The following SBF2 variants were observed in gnomAD, a reference collection of about 807,000 sequenced individuals.
SBF2 encodes SET binding factor 2.
Under a neutral mutation model 225.2 loss-of-function variants are expected in SBF2, and 112 were observed. That is an observed-to-expected ratio of 0.50 (90% CI 0.43 to 0.58). SBF2 has a LOEUF of 0.58. Ranked by LOEUF, SBF2 falls within the 20% of genes least tolerant of loss-of-function variation. The pLI is 0.00. For missense variants in SBF2, 1,996 were observed against 2,206.2 expected (o/e 0.90, Z 1.91); for synonymous variants, 763 against 773.3 (o/e 0.99, Z 0.22).
At chr11:9,993,834 C>G in intron 10 of SBF2, 87 bp downstream of exon 10, 2 of 1,370,738 alleles carry the variant, frequency 1.5e-6, no homozygotes, top group Admixed American at 2.0e-5. Context: ...CCATCTAACT[C>G]TAACTTCACT....
At chr11:9,833,702 G>C (rs574043315) in intron 26 of SBF2, among the ~76,000 whole-genome samples, 16 of 151,552 alleles carry the variant, frequency 1.1e-4, no homozygotes, top group Non-Finnish European at 1.6e-4. Flanking sequence ...TTACAGGCAT[G>C]AGCCACCGTG....
intron 8 of SBF2, among the ~76,000 whole-genome samples, chr11:9,998,931 G>A (rs530279021): frequency 5.9e-5 from 9 of 152,278 alleles, no homozygotes; most frequent in African/African-American, 2.2e-4. Flanking sequence ...AGCAAGCACA[G>A]AGGATTGCAT....
intron 2 of SBF2, among the ~76,000 whole-genome samples, chr11:10,154,736 T>C (rs1955385939): frequency 6.6e-6 from 1 of 152,182 alleles, no homozygotes; most frequent in African/African-American, 2.4e-5. Context: ...TTCTCAATGG[T>C]GCTACCTTCA....
At chr11:9,822,447 A>G (rs1031393221) in intron 28 of SBF2, among the ~76,000 whole-genome samples, 9 of 152,010 alleles carry the variant, frequency 5.9e-5, no homozygotes, top group African/African-American at 2.2e-4. Flanking sequence ...TTTTTAGTAG[A>G]GACAGGGTTT....
intron 17 of SBF2, among the ~76,000 whole-genome samples, chr11:9,872,378 G>C (rs1354477758): frequency 6.6e-6 from 1 of 152,158 alleles, no homozygotes; most frequent in Non-Finnish European, 1.5e-5. Flanking sequence ...GGCATGATCT[G>C]TGCAGCAAAC....
chr11:9,913,678 T>TAAAATAAAAC (rs1554952011), intron 16 of SBF2, among the ~76,000 whole-genome samples: 40 of 151,242 alleles, frequency 2.6e-4, no homozygotes, highest in African/African-American at 9.0e-4. Flanking sequence ...TAAAATAAAA[T>TAAAATAAAAC]AAAATAGCTG....
chr11:9,992,880 T>C (rs1947500400), intron 11 of SBF2, 110 bp downstream of exon 11: 1 of 747,938 alleles, frequency 1.3e-6, no homozygotes, highest in African/African-American at 1.8e-5. Context: ...TTTTAAATAA[T>C]CACATTTGAT....
chr11:9,938,246 C>G (rs962128313), intron 16 of SBF2, among the ~76,000 whole-genome samples: 127 of 151,108 alleles, frequency 8.4e-4, no homozygotes, highest in African/African-American at 2.9e-3. Context: ...AGCTGAGATC[C>G]AGCCACTGCA....
intron 1 of SBF2, among the ~76,000 whole-genome samples, chr11:10,230,734 G>A (rs1448834077): frequency 6.6e-6 from 1 of 152,104 alleles, no homozygotes; most frequent in Non-Finnish European, 1.5e-5. Flanking sequence ...CTCTCTGGCT[G>A]CCTTAACATT....
In SBF2 at chr11:9,895,930, CA is replaced by C. The variant is rs1564969300; in HGVS notation, c.1929+12del. The C allele has an allele frequency of 1.3e-6, 2 of 1,581,190 alleles. No homozygotes were observed. Among genetic ancestry groups the C allele is most frequent in the South Asian group, 1.1e-5 (1 of 90,364 alleles). On this transcript the variant is annotated intron_variant, in intron 17 of 39. Coordinates refer to ENST00000256190, the MANE Select transcript of SBF2 (RefSeq NM_030962.4). ...AATCATAACAAGCTTATATATGGAC[CA>C]ATGAAACTTACCCTATAGAAAGCAC...
At chr11:9,797,319 A>C (rs1482679603) in intron 32 of SBF2, among the ~76,000 whole-genome samples, 1 of 152,242 alleles carries the variant, frequency 6.6e-6, no homozygotes, top group Admixed American at 6.5e-5. Flanking sequence ...TGTGATCATT[A>C]AAGGGTTTTC....
chr11:9,995,823 G>GTC (rs1947673684), intron 9 of SBF2, among the ~76,000 whole-genome samples: 2 of 42,322 alleles, frequency 4.7e-5, no homozygotes, highest in African/African-American at 1.3e-4. Flanking sequence ...CTAATTTTTT[G>GTC]TCTTTTTTTT....
intron 1 of SBF2, among the ~76,000 whole-genome samples, chr11:10,196,012 G>T (rs888868638): frequency 6.6e-6 from 1 of 152,138 alleles, no homozygotes; most frequent in African/African-American, 2.4e-5. Context: ...TATCCTAAAG[G>T]AACTCATAAT....
Position 10,123,554 on chromosome 11 carries a change from C to A in SBF2, c.141+70348G>T, listed in dbSNP as rs559247138. On this transcript the variant is annotated intron_variant, in intron 2 of 39. Transcript: ENST00000256190. ...ATACAAAAATTAAAATCACTTATCCCTACTTGAAAAAAGAGAGAGAAATCT... is the reference window on the plus strand; with the variant it reads ...ATACAAAAATTAAAATCACTTATCCATACTTGAAAAAAGAGAGAGAAATCT... Among the ~76,000 whole-genome samples, 10 of 151,796 alleles carry A rather than the reference C, an allele frequency of 6.6e-5. No individual in the cohort carries two copies. In the South Asian group the frequency reaches 2.1e-3, roughly 32 times the overall value.
intron 2 of SBF2, among the ~76,000 whole-genome samples, chr11:10,124,204 T>C (rs536604913): frequency 1.3e-5 from 2 of 152,318 alleles, no homozygotes; most frequent in Admixed American, 6.5e-5. Context: ...AGTTCTAAGG[T>C]GTTTTTGATC....
intron 1 of SBF2, among the ~76,000 whole-genome samples, chr11:10,204,497 G>C (rs1957679283): frequency 6.6e-6 from 1 of 151,826 alleles, no homozygotes; most frequent in Admixed American, 6.6e-5. Context: ...AAACTAGCTG[G>C]GTGTGGTGGC....
intron 16 of SBF2, among the ~76,000 whole-genome samples, chr11:9,915,322 C>A (rs1862985947): frequency 6.6e-6 from 1 of 151,838 alleles, no homozygotes; most frequent in Non-Finnish European, 1.5e-5. Context: ...TGGCACGTGC[C>A]TGTAGTCCCA....
At chr11:10,150,974 G>A (rs747756835) in intron 2 of SBF2, among the ~76,000 whole-genome samples, 12 of 152,050 alleles carry the variant, frequency 7.9e-5, no homozygotes, top group Non-Finnish European at 1.6e-4. Context: ...TCTGGAATTG[G>A]CATGAAATCA....
intron 2 of SBF2, among the ~76,000 whole-genome samples, chr11:10,075,822 T>C (rs1189724428): frequency 1.3e-5 from 2 of 152,124 alleles, no homozygotes; most frequent in Non-Finnish European, 2.9e-5. Flanking sequence ...CAGTAATTGA[T>C]GAATGCAACA....
Sources: allele counts gnomAD v4.1 joint callset (sites outside exome capture counted in the v4.1 genomes callset), GRCh38; gene constraint gnomAD v4.1.1; transcripts MANE v1.5; gene names NCBI Gene and HGNC (gene_info 2026-07-23, HGNC 2026-07-21).